Variants in AMMECR1L observed in about 807,000 individuals in gnomAD.
AMMECR1L encodes the protein AMMECR1-like protein.
AMMECR1L carries 4 observed loss-of-function variants against 36.8 expected under a neutral mutation model. The observed-to-expected ratio is 0.11, with a 90% confidence interval of 0.05 to 0.25. AMMECR1L has a LOEUF of 0.25. AMMECR1L is among the 10% of genes least tolerant of loss of function. The probability of loss-of-function intolerance (pLI) is 1.00; values close to 1 mark genes in which losing one functional copy is unlikely to be tolerated. For missense variants in AMMECR1L, 232 were observed against 392.1 expected (o/e 0.59, Z 3.45); for synonymous variants, 147 against 148.0 (o/e 0.99, Z 0.05).
chr2:127,870,651 T>C (rs13018398), intron 5 of AMMECR1L, among the ~76,000 whole-genome samples, 163 bp downstream of exon 5: 53,745 of 152,006 alleles, frequency 0.35, 9,995 homozygotes, highest in South Asian at 0.61. Context: ...CTACTCCTGG[T>C]ATAGCAGCAC....
At position 127,870,942 on chromosome 2, in the gene AMMECR1L, G is replaced by A; in HGVS notation, c.519-14C>T. 2 of 1,596,214 alleles carry A rather than the reference G, an allele frequency of 1.3e-6. No homozygotes were observed. The highest frequency in any genetic ancestry group is 2.2e-5 in the East Asian group (1 of 44,748). ...TCCTTAAGTGCACTGGAGGGGGACA[G>A]AAAACATAGGTAAGGCTGCTCTGGA... On this transcript the variant is annotated splice_polypyrimidine_tract_variant and intron_variant, in intron 4 of 7. Transcript: ENST00000272647.
At chr2:127,879,425 C>A (rs1024781872) in intron 2 of AMMECR1L, among the ~76,000 whole-genome samples, 4 of 152,184 alleles carry the variant, frequency 2.6e-5, no homozygotes, top group Non-Finnish European at 5.9e-5. Flanking sequence ...CTTTGCCTTC[C>A]GCCATGAGTA....
At position 127,869,942 on chromosome 2, in the gene AMMECR1L, A is replaced by G. The variant is rs561375396; in HGVS notation, c.634-398T>C. Among the ~76,000 whole-genome samples, 168 of 152,360 alleles carry G rather than the reference A, an allele frequency of 1.1e-3. No individual in the cohort carries two copies. The highest frequency in any genetic ancestry group is 3.8e-3 in the African/African-American group (156 of 41,594). On this transcript the variant is annotated intron_variant, in intron 5 of 7. Coordinates refer to ENST00000272647, the MANE Select transcript of AMMECR1L (RefSeq NM_001199140.2). The surrounding 1 kb of genome is among the most constrained non-coding windows in gnomAD (Gnocchi z 4.7). ...GCCAGGCGCGGTGGCTCATGCCTGT[A>G]ATCCCAACAATTTGGGAGGCCAAGG... is the stretch of plus-strand genomic sequence containing the variant.
intron 2 of AMMECR1L, among the ~76,000 whole-genome samples, chr2:127,875,664 C>A (rs957318937): frequency 6.6e-6 from 1 of 152,160 alleles, no homozygotes; most frequent in Middle Eastern, 3.2e-3. Context: ...TAACAAAATA[C>A]ACATCAAGGG....
chr2:127,877,004 C>A (rs1019748471), intron 2 of AMMECR1L, among the ~76,000 whole-genome samples: 1 of 143,362 alleles, frequency 7.0e-6, no homozygotes, highest in African/African-American at 2.6e-5. Flanking sequence ...GCAATAAGAG[C>A]GAAACTCTGT....
intron 2 of AMMECR1L, among the ~76,000 whole-genome samples, chr2:127,881,568 C>T (rs527835061): frequency 1.6e-4 from 25 of 152,328 alleles, no homozygotes; most frequent in Admixed American, 1.6e-3. Context: ...GTTTTCACAT[C>T]TCTGTGGACT....
chr2:127,862,848 G>GT lies in AMMECR1L; in HGVS notation c.*2245dup, dbSNP rs1690524717. The GT allele has an allele frequency of 6.6e-6, 1 of 151,636 alleles. No individual in the cohort carries two copies. 9.4% of individuals were successfully genotyped at this position (151,636 alleles called of 1,614,324 possible). On this transcript the variant is annotated 3_prime_UTR_variant, in exon 8 of 8. Coordinates refer to ENST00000272647, the MANE Select transcript of AMMECR1L (RefSeq NM_001199140.2). ...TTCTATTCATTTTCTTAAATGGCAG[G>GT]TATCGTACCCCCCCTCGATAAAATA...
In AMMECR1L at chr2:127,863,223, AACAAG is replaced by A. The variant is rs1462888731; in HGVS notation, c.*1866_*1870del. The A allele has an allele frequency of 6.6e-6, 1 of 152,616 alleles. No individual in the cohort carries two copies. The highest frequency in any genetic ancestry group is 2.4e-5 in the African/African-American group (1 of 41,424). 9.5% of individuals were successfully genotyped at this position (152,616 alleles called of 1,614,324 possible). A position where few individuals can be genotyped will look rare whatever the true frequency, so the allele number is the denominator to read the frequency against. On this transcript the variant is annotated 3_prime_UTR_variant, in exon 8 of 8. Coordinates refer to ENST00000272647, the MANE Select transcript of AMMECR1L (RefSeq NM_001199140.2). ...TAAGAGTAACCGTTGCCACGTTTTT[AACAAG>A]ACATTTATTCTCAGCAGCAGGAAAT... is the stretch of plus-strand genomic sequence containing the variant.
chr2:127,877,682 TG>T lies in AMMECR1L; in HGVS notation c.-38-3411del, dbSNP rs537900772. Among the ~76,000 whole-genome samples the T allele has an allele frequency of 3.3e-5, 5 of 152,324 alleles. No individual in the cohort carries two copies. In the East Asian group the frequency reaches 9.6e-4, roughly 29 times the overall value. On this transcript the variant is annotated intron_variant, in intron 2 of 7. Transcript: ENST00000272647. The stretch of plus-strand genomic sequence containing the variant: ...AATCTATGTATCAGGCTGTATGGCC[TG>T]GAACTACAAGAAAGAATGAGTTCTG...
In AMMECR1L at chr2:127,871,497, C is replaced by G; in HGVS notation, c.408-138G>C. 1 of 813,670 alleles carries G rather than the reference C, an allele frequency of 1.2e-6. No individual in the cohort carries two copies. The highest frequency in any genetic ancestry group is 2.4e-5 in the Admixed American group (1 of 40,820). The allele number at this position is 813,670 out of a possible 1,614,324, so 50.4% of individuals were successfully genotyped here. ...TTGGACTTGCCAGCTACCCGAAGGA[C>G]TCTCTGCCTTTCTGAAAACGGCACA... On this transcript the variant is annotated intron_variant, in intron 3 of 7. Transcript: ENST00000272647. The surrounding 1 kb of genome is among the most constrained non-coding windows in gnomAD (Gnocchi z 4.3).
At chr2:127,882,451 C>G (rs1329042458) in intron 2 of AMMECR1L, among the ~76,000 whole-genome samples, 1 of 152,128 alleles carries the variant, frequency 6.6e-6, no homozygotes, top group Non-Finnish European at 1.5e-5. Flanking sequence ...TGGAACTATT[C>G]CAGGAAACAG....
rs191352354 is a variant in AMMECR1L, at chr2:127,862,020, G to C, written c.*3074C>G. ...CATGTTGAAAGGGTCTCTAACATGAGTTGTTTTATTATTATGAAGCAAAAA... is the reference window on the plus strand; with the variant it reads ...CATGTTGAAAGGGTCTCTAACATGACTTGTTTTATTATTATGAAGCAAAAA... On this transcript the variant is annotated 3_prime_UTR_variant, in exon 8 of 8. Transcript: ENST00000272647. The C allele has an allele frequency of 6.5e-6, 1 of 152,702 alleles. No homozygotes were observed. Among genetic ancestry groups the C allele is most frequent in the Non-Finnish European group, 1.5e-5 (1 of 68,024 alleles). The allele number at this position is 152,702 out of a possible 1,614,324, so 9.5% of individuals were successfully genotyped here. A position where few individuals can be genotyped will look rare whatever the true frequency, so the allele number is the denominator to read the frequency against.
chr2:127,866,386 T>C (rs548708814), intron 7 of AMMECR1L, among the ~76,000 whole-genome samples: 1 of 152,354 alleles, frequency 6.6e-6, no homozygotes, highest in South Asian at 2.1e-4. Flanking sequence ...GTCACACAGC[T>C]AGTACATGTT....
chr2:127,870,232 T>C (rs1352869119), intron 5 of AMMECR1L, among the ~76,000 whole-genome samples: 2 of 3,640 alleles, frequency 5.5e-4, no homozygotes, highest in Non-Finnish European at 1.4e-3. Flanking sequence ...GAAGAATCAC[T>C]TGAACCCAGG....
rs1690959227 is a variant in AMMECR1L, at chr2:127,871,421, C to G, written c.408-62G>C. 6.5e-7 allele frequency: 1 copy of G among 1,529,864 alleles called. No individual in the cohort carries two copies. Among genetic ancestry groups the G allele is most frequent in the Non-Finnish European group, 8.9e-7 (1 of 1,126,124 alleles). 94.8% of individuals were successfully genotyped at this position (1,529,864 alleles called of 1,614,324 possible). On this transcript the variant is annotated intron_variant, in intron 3 of 7. Coordinates refer to ENST00000272647, the MANE Select transcript of AMMECR1L (RefSeq NM_001199140.2). This position sits in a 1 kb window ranked among gnomAD's most constrained non-coding sequence, Gnocchi z 4.3. ...AAATTAATCATGGATAAGAACAAAA[C>G]CTTTTGGCTTTGTCCCTATTCATTT...
In AMMECR1L at chr2:127,873,694, C is replaced by T. The variant is rs2104760831; in HGVS notation, c.407+134G>A. On this transcript the variant is annotated intron_variant, in intron 3 of 7. Coordinates refer to ENST00000272647, the MANE Select transcript of AMMECR1L (RefSeq NM_001199140.2). This position sits in a 1 kb window ranked among gnomAD's most constrained non-coding sequence, Gnocchi z 5.2. Reference sequence around the variant, plus strand: ...TGTTTTAAATATTCTCTGGACATTTCTTATCATTCTCTTCCCATTACCCTT... The same window carrying T: ...TGTTTTAAATATTCTCTGGACATTTTTTATCATTCTCTTCCCATTACCCTT... 4 of 1,558,908 alleles carry T rather than the reference C, an allele frequency of 2.6e-6. No homozygotes were observed. The highest frequency in any genetic ancestry group is 1.2e-5 in the South Asian group (1 of 84,068).
intron 3 of AMMECR1L, among the ~76,000 whole-genome samples, chr2:127,872,151 T>C (rs929280044): frequency 6.9e-6 from 1 of 144,412 alleles, no homozygotes; most frequent in African/African-American, 2.6e-5. Flanking sequence ...ATTGTGCCAC[T>C]GCACTCCAGC....
Position 127,869,629 on chromosome 2 carries a change from C to T in AMMECR1L, c.634-85G>A. On this transcript the variant is annotated intron_variant, in intron 5 of 7. Transcript: ENST00000272647. The surrounding 1 kb of genome is among the most constrained non-coding windows in gnomAD (Gnocchi z 4.7). ...CCCACATATAAATCAACATTGTTCCCTGACCAGCTTAACACAGGCCTGGAA... is the reference window on the plus strand; with the variant it reads ...CCCACATATAAATCAACATTGTTCCTTGACCAGCTTAACACAGGCCTGGAA... The T allele has an allele frequency of 1.7e-6, 2 of 1,152,092 alleles. No individual in the cohort carries two copies. Among genetic ancestry groups the T allele is most frequent in the Non-Finnish European group, 2.6e-6 (2 of 766,828 alleles). 71.4% of individuals were successfully genotyped at this position (1,152,092 alleles called of 1,614,324 possible).
At chr2:127,880,202 T>C (rs548842307) in intron 2 of AMMECR1L, among the ~76,000 whole-genome samples, 2 of 152,236 alleles carry the variant, frequency 1.3e-5, no homozygotes, top group African/African-American at 4.8e-5. Flanking sequence ...TTTATGAAAG[T>C]ATATATAACC....
Sources: gnomAD v4.1 joint callset for allele counts (sites outside exome capture counted in the v4.1 genomes callset) on GRCh38, gnomAD v4.1.1 for gene constraint, Gnocchi (gnomAD v3.1) non-coding constraint, MANE v1.5 for transcripts, NCBI Gene and HGNC (gene_info 2026-07-23, HGNC 2026-07-21) for gene names.